Variants in KIF26B observed in about 807,000 individuals in gnomAD.
KIF26B encodes the protein kinesin family member 26B.
KIF26B carries 63 observed loss-of-function variants against 151.2 expected under a neutral mutation model. The ratio of observed to expected loss-of-function variants is 0.42; its 90% CI spans 0.34 to 0.51. KIF26B has a LOEUF of 0.51. Among genes scored for constraint, KIF26B ranks in the 20% least tolerant of loss-of-function variants. The pLI, the probability that KIF26B is intolerant of heterozygous loss-of-function variation, is 0.07. For missense variants in KIF26B, 2,813 were observed against 2,913.6 expected (o/e 0.97, Z 0.79); for synonymous variants, 1,357 against 1,262.1 (o/e 1.08, Z -1.59).
chr1:245,648,062 G>A (rs900838386), intron 10 of KIF26B, among the ~76,000 whole-genome samples: 5 of 152,208 alleles, frequency 3.3e-5, no homozygotes, highest in African/African-American at 1.2e-4. Flanking sequence ...AAGAGTACTA[G>A]CACTCACTGG....
intron 2 of KIF26B, among the ~76,000 whole-genome samples, chr1:245,195,633 A>G (rs1669177696): frequency 6.6e-6 from 1 of 152,182 alleles, no homozygotes. Context: ...GCTCCGCTTC[A>G]GGGCCGGGGG....
At chr1:245,235,942 T>G (rs1427465837) in intron 2 of KIF26B, among the ~76,000 whole-genome samples, 1 of 151,608 alleles carries the variant, frequency 6.6e-6, no homozygotes, top group Admixed American at 6.6e-5. Context: ...TTTTTTTTTT[T>G]TTTTTGAGAC....
At chr1:245,176,779 G>A (rs1327830533) in intron 2 of KIF26B, among the ~76,000 whole-genome samples, 1 of 152,142 alleles carries the variant, frequency 6.6e-6, no homozygotes, top group Non-Finnish European at 1.5e-5. Flanking sequence ...GTCTTCCTGC[G>A]ACTTTTAACG....
chr1:245,652,123 TG>T (rs2044024030), intron 10 of KIF26B, among the ~76,000 whole-genome samples: 8 of 138,590 alleles, frequency 5.8e-5, no homozygotes, highest in Admixed American at 4.3e-4. Context: ...TGTGTGTGTG[TG>T]TGTGTGTGTG....
intron 4 of KIF26B, among the ~76,000 whole-genome samples, chr1:245,442,817 AGCG>A (rs1659144506): frequency 2.1e-5 from 2 of 96,556 alleles, no homozygotes; most frequent in African/African-American, 4.0e-5. Flanking sequence ...GTTCACCTAC[AGCG>A]GTCATCTCCC....
chr1:245,640,892 A>G (rs893693898), intron 9 of KIF26B, among the ~76,000 whole-genome samples: 1 of 152,150 alleles, frequency 6.6e-6, no homozygotes, highest in Non-Finnish European at 1.5e-5. Context: ...TATAGTTGTT[A>G]TTTTTAATAG....
intron 2 of KIF26B, among the ~76,000 whole-genome samples, chr1:245,211,547 A>C (rs949835048): frequency 6.6e-6 from 1 of 151,946 alleles, no homozygotes; most frequent in African/African-American, 2.4e-5. Flanking sequence ...ACAGGCATGC[A>C]CCACTAAGCC....
intron 4 of KIF26B, among the ~76,000 whole-genome samples, chr1:245,489,092 T>G (rs1538468): frequency 6.6e-6 from 1 of 152,234 alleles, no homozygotes; most frequent in Non-Finnish European, 1.5e-5. Context: ...ACGGATAGTC[T>G]GGCGGCACGT....
At chr1:245,694,251 C>T (rs1237392280) in intron 12 of KIF26B, among the ~76,000 whole-genome samples, 1 of 152,242 alleles carries the variant, frequency 6.6e-6, no homozygotes, top group African/African-American at 2.4e-5. Context: ...CTGGCCCCTT[C>T]CTGGTCAACA....
At chr1:245,159,130 A>AGTTCGCTCT (rs1668494567) in intron 2 of KIF26B, among the ~76,000 whole-genome samples, 1 of 152,226 alleles carries the variant, frequency 6.6e-6, no homozygotes, top group African/African-American at 2.4e-5. Context: ...CAGTTCGCTC[A>AGTTCGCTCT]GTTCGCTCTG....
Position 245,564,585 on chromosome 1 carries a change from G to C in KIF26B, c.1350+23635G>C, listed in dbSNP as rs1379728603. Among the ~76,000 whole-genome samples the C allele has an allele frequency of 3.3e-5, 5 of 152,076 alleles. No homozygotes were observed. Among genetic ancestry groups the C allele is most frequent in the Non-Finnish European group, 5.9e-5 (4 of 68,022 alleles). On this transcript the variant is annotated intron_variant, in intron 5 of 14. Transcript: ENST00000407071. This position sits in a 1 kb window ranked among gnomAD's most constrained non-coding sequence, Gnocchi z 4.6. ...ATCTTTAGACGAAGCATCAACAAAG[G>C]CTTTTTCACTGAAATCCAAACTCAA...
At chr1:245,514,172 A>C (rs907258325) in intron 4 of KIF26B, among the ~76,000 whole-genome samples, 2 of 152,246 alleles carry the variant, frequency 1.3e-5, no homozygotes, top group Non-Finnish European at 2.9e-5. Flanking sequence ...CAATGTGTAC[A>C]TATTTTAAAA....
At chr1:245,485,059 T>C (rs1346367179) in intron 4 of KIF26B, among the ~76,000 whole-genome samples, 1 of 152,206 alleles carries the variant, frequency 6.6e-6, no homozygotes, top group African/African-American at 2.4e-5. Context: ...AATGTCATTC[T>C]GACACATGCT....
intron 5 of KIF26B, among the ~76,000 whole-genome samples, chr1:245,565,294 T>TG (rs1229028944): frequency 1.2e-5 from 1 of 81,748 alleles, no homozygotes; most frequent in Non-Finnish European, 2.7e-5. Flanking sequence ...GGTTTTTTTG[T>TG]TTTTTTTATT....
At chr1:245,165,870 T>C (rs1668607267) in intron 2 of KIF26B, among the ~76,000 whole-genome samples, 1 of 152,204 alleles carries the variant, frequency 6.6e-6, no homozygotes, top group African/African-American at 2.4e-5. Flanking sequence ...GAAGAATTTC[T>C]GGTGCCCTGG....
rs747326031 is a variant in KIF26B at position 245,688,641 on chromosome 1, G to T, written c.5658G>T (p.Thr1886=). 2 of 1,602,542 alleles carry T rather than the reference G, an allele frequency of 1.2e-6. No individual in the cohort carries two copies. The highest frequency in any genetic ancestry group is 2.7e-5 in the African/African-American group (2 of 74,760). ...SGELPPAMGK[T]ALFYHSGGSS... is the part of the protein sequence containing the mutation. Reference sequence around the variant, plus strand: ...AGCTCCCGCCGGCCATGGGGAAGACGGCCCTGTTCTACCACAGCGGCGGCA... The same window carrying T: ...AGCTCCCGCCGGCCATGGGGAAGACTGCCCTGTTCTACCACAGCGGCGGCA... Residue 1886 remains threonine (T), a synonymous_variant, in exon 12 of 15, where the codon ACG becomes ACT. Coordinates refer to ENST00000407071, the MANE Select transcript of KIF26B (RefSeq NM_018012.4).
At chr1:245,455,502 A>T (rs1291747759) in intron 4 of KIF26B, among the ~76,000 whole-genome samples, 1 of 152,162 alleles carries the variant, frequency 6.6e-6, no homozygotes, top group Non-Finnish European at 1.5e-5. Context: ...GATCTGTCTG[A>T]AAAAAACAAA....
chr1:245,433,477 A>AAAAAG (rs1553274011), intron 4 of KIF26B, among the ~76,000 whole-genome samples: 82 of 147,826 alleles, frequency 5.5e-4, no homozygotes, highest in African/African-American at 1.9e-3. Flanking sequence ...AAAAAAAAAA[A>AAAAAG]AAGAAGAAGA....
chr1:245,234,025 A>G (rs181662468), intron 2 of KIF26B, among the ~76,000 whole-genome samples: 2 of 152,162 alleles, frequency 1.3e-5, no homozygotes, highest in East Asian at 3.9e-4. Flanking sequence ...CTCTACTAAA[A>G]ATACAAAAAT....
Sources: allele counts gnomAD v4.1 joint callset (sites outside exome capture counted in the v4.1 genomes callset), GRCh38; gene constraint gnomAD v4.1.1; non-coding constraint Gnocchi (gnomAD v3.1); transcripts MANE v1.5; gene names NCBI Gene and HGNC (gene_info 2026-07-23, HGNC 2026-07-21).